Variants in PALM observed in about 807,000 individuals in gnomAD.
PALM encodes the protein paralemmin-1.
Under a neutral mutation model 30.7 loss-of-function variants are expected in PALM, and 18 were observed. The ratio of observed to expected loss-of-function variants is 0.59; its 90% CI spans 0.41 to 0.87. The LOEUF (loss-of-function observed/expected upper bound fraction) is 0.87, where lower values mean the gene tolerates loss of function less well. PALM is among the 40% of genes least tolerant of loss of function. The pLI, the probability that PALM is intolerant of heterozygous loss-of-function variation, is 0.00. For missense variants in PALM, 529 were observed against 555.4 expected, an observed-to-expected ratio of 0.95 and a Z score of 0.48; for synonymous variants, 286 against 242.8, an observed-to-expected ratio of 1.18 and a Z score of -1.66.
chr19:728,833 C>G (rs1329794276), intron 4 of PALM, among the ~76,000 whole-genome samples: 1 of 152,010 alleles, frequency 6.6e-6, no homozygotes, highest in East Asian at 1.9e-4. Flanking sequence ...GAAACCCCGT[C>G]TCTACTAAAA....
At chr19:721,228 C>T (rs1274967705) in intron 1 of PALM, among the ~76,000 whole-genome samples, 2 of 152,112 alleles carry the variant, frequency 1.3e-5, no homozygotes, top group Non-Finnish European at 2.9e-5. Flanking sequence ...CAGGGAGCCT[C>T]TAGAGCTGGA....
At chr19:730,606 C>G (rs184169663) in intron 4 of PALM, among the ~76,000 whole-genome samples, 1 of 152,214 alleles carries the variant, frequency 6.6e-6, no homozygotes, top group Non-Finnish European at 1.5e-5. Flanking sequence ...TGGATCCCGC[C>G]TCTGCTACCT....
Position 734,169 on chromosome 19 carries a change from G to T in PALM, c.421-4G>T. On this transcript the variant is annotated splice_region_variant and splice_polypyrimidine_tract_variant and intron_variant, in intron 5 of 8. Coordinates refer to ENST00000338448, the MANE Select transcript of PALM (RefSeq NM_002579.3). ...CCCTGACCCTTCTCTCTTCTTTCTTGCAGACGCCGGTGGGCACGCCCAAAG... is the reference window on the plus strand; with the variant it reads ...CCCTGACCCTTCTCTCTTCTTTCTTTCAGACGCCGGTGGGCACGCCCAAAG... 2 of 1,613,860 alleles carry T rather than the reference G, an allele frequency of 1.2e-6. No individual in the cohort carries two copies. Among genetic ancestry groups the T allele is most frequent in the Middle Eastern group, 1.6e-4 (1 of 6,062 alleles).
At chr19:716,475 GCATGGT>G (rs1468364044) in intron 1 of PALM, among the ~76,000 whole-genome samples, 1 of 152,062 alleles carries the variant, frequency 6.6e-6, no homozygotes, top group African/African-American at 2.4e-5. Flanking sequence ...GGGAGGCGCT[GCATGGT>G]CAACAGACTG....
At chr19:740,170 A>G (rs1280956558) in intron 7 of PALM, among the ~76,000 whole-genome samples, 182 bp from the exon 8 acceptor site, 5 of 152,302 alleles carry the variant, frequency 3.3e-5, no homozygotes, top group Admixed American at 2.6e-4. Context: ...CTGGGGAGCT[A>G]TGGAGGGATG....
chr19:738,850 C>T (rs923071270), intron 7 of PALM, among the ~76,000 whole-genome samples: 6 of 152,150 alleles, frequency 3.9e-5, no homozygotes, highest in Admixed American at 3.3e-4. Context: ...CGATGGGGAC[C>T]GATGGCCCCT....
intron 3 of PALM, 147 bp downstream of exon 3, chr19:727,235 C>CGTGA (rs2032706228): frequency 1.4e-5 from 6 of 435,174 alleles, no homozygotes; most frequent in Non-Finnish European, 2.0e-5. Context: ...CGACCCTGAC[C>CGTGA]CCGACCCCGA....
chr19:744,269 A>G (rs1053217802), intron 8 of PALM, among the ~76,000 whole-genome samples: 15 of 151,796 alleles, frequency 9.9e-5, no homozygotes, highest in African/African-American at 3.1e-4. Context: ...GTGTGGTGGC[A>G]GGCGCCTGTA....
chr19:735,995 T>C, intron 6 of PALM, 24 bp from the exon 7 acceptor site: 3 of 1,601,210 alleles, frequency 1.9e-6, no homozygotes, highest in Non-Finnish European at 2.6e-6. Flanking sequence ...CTCATCTCTC[T>C]CTCCGCTTCC....
At chr19:712,658 C>T (rs2032119905) in intron 1 of PALM, among the ~76,000 whole-genome samples, 1 of 151,030 alleles carries the variant, frequency 6.6e-6, no homozygotes, top group South Asian at 2.1e-4. Flanking sequence ...GCTGGGATTA[C>T]AGGTGTGAGC....
chr19:715,924 G>C (rs563301819), intron 1 of PALM, among the ~76,000 whole-genome samples: 1 of 152,268 alleles, frequency 6.6e-6, no homozygotes, highest in East Asian at 1.9e-4. Flanking sequence ...GATACATGAG[G>C]GGGTGGAGGG....
rs1026570733 is a variant in PALM, at chr19:727,833, C to T, written c.269+139C>T. On this transcript the variant is annotated intron_variant, in intron 4 of 8. Coordinates refer to ENST00000338448, the MANE Select transcript of PALM (RefSeq NM_002579.3). Reference sequence around the variant, plus strand: ...ACCGGGCAGGCCAGGACCCAACATGCTTTGAGGGGGACGCAGGACGGGACA... The same window carrying T: ...ACCGGGCAGGCCAGGACCCAACATGTTTTGAGGGGGACGCAGGACGGGACA... The T allele has an allele frequency of 3.8e-6, 3 of 781,144 alleles. No individual in the cohort carries two copies. The Admixed American group carries it at 8.5e-5, about 22-fold the overall frequency. The allele number at this position is 781,144 out of a possible 1,614,324, so 48.4% of individuals were successfully genotyped here.
chr19:711,521 T>A (rs2032079987), intron 1 of PALM, among the ~76,000 whole-genome samples: 1 of 152,190 alleles, frequency 6.6e-6, no homozygotes, highest in African/African-American at 2.4e-5. Flanking sequence ...TAACGCTCCT[T>A]CACACTTGCT....
In PALM at chr19:742,554, G is replaced by A. The variant is rs1308418499; in HGVS notation, c.634+2071G>A. 3.3e-5 allele frequency among the ~76,000 whole-genome samples: 5 copies of A among 151,536 alleles called. No homozygotes were observed. Among genetic ancestry groups the A allele is most frequent in the Admixed American group, 6.6e-5 (1 of 15,206 alleles). The stretch of plus-strand genomic sequence containing the variant: ...CAGGAGGCGGAGGTTGCAGTGAGCC[G>A]AGATCGCGCCACTGCTCTCCAGCCT... On this transcript the variant is annotated intron_variant, in intron 8 of 8. Transcript: ENST00000338448. The surrounding 1 kb of genome is among the most constrained non-coding windows in gnomAD (Gnocchi z 5.5).
At chr19:711,237 T>C (rs1467817333) in intron 1 of PALM, 15 of 951,310 alleles carry the variant, frequency 1.6e-5, no homozygotes, top group Non-Finnish European at 1.9e-5. Context: ...GGAGAATCTC[T>C]GCTTCGGAGA....
At chr19:729,389 G>A (rs2032795018) in intron 4 of PALM, among the ~76,000 whole-genome samples, 1 of 151,228 alleles carries the variant, frequency 6.6e-6, no homozygotes, top group African/African-American at 2.4e-5. Context: ...AATGAGCCGA[G>A]TGTTACCCAC....
intron 8 of PALM, among the ~76,000 whole-genome samples, chr19:743,881 A>G (rs1238287917): frequency 6.6e-6 from 1 of 152,090 alleles, no homozygotes; most frequent in Admixed American, 6.6e-5. Context: ...TATATGTATA[A>G]AATGCTACCC....
At chr19:727,255 T>TGACCCC in intron 3 of PALM, among the ~76,000 whole-genome samples, 167 bp downstream of exon 3, 1 of 19,424 alleles carries the variant, frequency 5.1e-5, no homozygotes, top group South Asian at 2.0e-3. Flanking sequence ...ACCCCGACCC[T>TGACCCC]GACCCCAACC....
intron 1 of PALM, among the ~76,000 whole-genome samples, chr19:712,277 C>A (rs2032104762): frequency 6.6e-6 from 1 of 151,574 alleles, no homozygotes; most frequent in Non-Finnish European, 1.5e-5. Flanking sequence ...CCTGCCTCGG[C>A]CTCCCCAAAG....
Sources: allele counts gnomAD v4.1 joint callset (sites outside exome capture counted in the v4.1 genomes callset), GRCh38; gene constraint gnomAD v4.1.1; non-coding constraint Gnocchi (gnomAD v3.1); transcripts MANE v1.5; gene names NCBI Gene and HGNC (gene_info 2026-07-23, HGNC 2026-07-21).